GALNT2: variants seen among roughly 807,000 people sequenced by gnomAD.
The protein encoded by GALNT2 is polypeptide N-acetylgalactosaminyltransferase 2.
Under a neutral mutation model 81.4 loss-of-function variants are expected in GALNT2, and 31 were observed. That is an observed-to-expected ratio of 0.38 (90% CI 0.29 to 0.51). GALNT2 has a LOEUF of 0.51. Among genes scored for constraint, GALNT2 ranks in the 20% least tolerant of loss-of-function variants. The pLI is 0.87. For missense variants in GALNT2, 629 were observed against 765.7 expected, an observed-to-expected ratio of 0.82 and a Z score of 2.11; for synonymous variants, 303 against 287.4, an observed-to-expected ratio of 1.05 and a Z score of -0.55.
intron 1 of GALNT2, among the ~76,000 whole-genome samples, chr1:230,099,326 G>T (rs746769743): frequency 1.3e-5 from 2 of 152,130 alleles, no homozygotes; most frequent in African/African-American, 2.4e-5. Flanking sequence ...TCCGAGTCCC[G>T]GGATGGGGGT....
chr1:230,165,712 G>A (rs1467196828), intron 1 of GALNT2, among the ~76,000 whole-genome samples: 2 of 152,348 alleles, frequency 1.3e-5, no homozygotes, highest in Non-Finnish European at 2.9e-5. Context: ...AATAAGTGGC[G>A]CCAGAGGTAG....
In GALNT2 at chr1:230,274,465, G is replaced by A. The variant is rs747878231; in HGVS notation, c.1461G>A (p.Glu487=). The part of the protein sequence containing the change: ...GGNQEWALTK[E]KSVKHMDLCL... ...TCCAGGAATGGGCCTTGACGAAGGAGAAGTCGGTGAAGCACATGGATTTGT... is the reference window on the plus strand; with the variant it reads ...TCCAGGAATGGGCCTTGACGAAGGAAAAGTCGGTGAAGCACATGGATTTGT... Residue 487 remains glutamate, a synonymous_variant, in exon 15 of 16, where the codon GAG becomes GAA. Coordinates refer to ENST00000366672, the MANE Select transcript of GALNT2 (RefSeq NM_004481.5). The A allele has an allele frequency of 9.9e-6, 16 of 1,613,714 alleles. No homozygotes were observed. In the East Asian group the frequency reaches 3.3e-4, roughly 34 times the overall value.
intron 11 of GALNT2, among the ~76,000 whole-genome samples, chr1:230,255,887 C>G (rs577575518): frequency 9.5e-4 from 145 of 152,344 alleles, no homozygotes; most frequent in African/African-American, 3.1e-3. Flanking sequence ...TTATGCGTCT[C>G]TAACCAAATA....
rs888272483 is a variant in GALNT2, at chr1:230,243,046, T to C, written c.608-260T>C. Reference sequence around the variant, plus strand: ...TAGTTGATAAAGGAGACTTCAGTAATGTAAAGGGCCTTTCTCAGAAGACGG... The same window carrying C: ...TAGTTGATAAAGGAGACTTCAGTAACGTAAAGGGCCTTTCTCAGAAGACGG... On this transcript the variant is annotated intron_variant, in intron 6 of 15. Transcript: ENST00000366672. The surrounding 1 kb of genome is among the most constrained non-coding windows in gnomAD (Gnocchi z 4.2). Among the ~76,000 whole-genome samples the C allele has an allele frequency of 6.6e-6, 1 of 152,232 alleles. No homozygotes were observed. Among genetic ancestry groups the C allele is most frequent in the Non-Finnish European group, 1.5e-5 (1 of 68,048 alleles).
Position 230,265,367 on chromosome 1 carries a change from G to A in GALNT2, c.1440G>A (p.Gln480=), listed in dbSNP as rs781689382. 1 of 1,614,240 alleles carries A rather than the reference G, an allele frequency of 6.2e-7. No homozygotes were observed. The highest frequency in any genetic ancestry group is 8.5e-7 in the Non-Finnish European group (1 of 1,180,050). Residue 480 remains glutamine, a splice_region_variant and synonymous_variant, in exon 14 of 16, where the codon CAG becomes CAA. Coordinates refer to ENST00000366672, the MANE Select transcript of GALNT2 (RefSeq NM_004481.5). ...VYECHNAGGN[Q]EWALTKEKSV... Reference sequence around the variant, plus strand: ...AATGTCACAATGCTGGGGGAAACCAGGTATGTGCATGGGGAAGCCAGGTCA... The same window carrying A: ...AATGTCACAATGCTGGGGGAAACCAAGTATGTGCATGGGGAAGCCAGGTCA...
chr1:230,246,049 T>C lies in GALNT2; in HGVS notation c.730-14T>C, dbSNP rs1239890098. 3 of 1,607,320 alleles carry C rather than the reference T, an allele frequency of 1.9e-6. No individual in the cohort carries two copies. In the South Asian group the frequency reaches 3.3e-5, roughly 18 times the overall value. On this transcript the variant is annotated splice_polypyrimidine_tract_variant and intron_variant, in intron 7 of 15. Coordinates refer to ENST00000366672, the MANE Select transcript of GALNT2 (RefSeq NM_004481.5). ...GCTGGGATTTTGATAACTACTCCTCTCTTTGTATTTTAGGACAGGACTCGG... is the reference window on the plus strand; with the variant it reads ...GCTGGGATTTTGATAACTACTCCTCCCTTTGTATTTTAGGACAGGACTCGG...
chr1:230,238,092 C>G (rs990925313), intron 6 of GALNT2, among the ~76,000 whole-genome samples: 10 of 152,204 alleles, frequency 6.6e-5, no homozygotes, highest in African/African-American at 2.2e-4. Flanking sequence ...TATGGAACAG[C>G]TGAAGTCTGT....
intron 10 of GALNT2, among the ~76,000 whole-genome samples, chr1:230,251,227 A>G (rs1158796311): frequency 1.3e-5 from 2 of 152,152 alleles, no homozygotes; most frequent in African/African-American, 2.4e-5. Flanking sequence ...TTTCAATTAA[A>G]GCCTTTTGTT....
At chr1:230,071,452 C>T (rs1053466073) in intron 1 of GALNT2, among the ~76,000 whole-genome samples, 8 of 152,146 alleles carry the variant, frequency 5.3e-5, no homozygotes, top group South Asian at 2.1e-4. Flanking sequence ...AGTGGACAGA[C>T]GTGTCCCTGA....
upstream of GALNT2, among the ~76,000 whole-genome samples, chr1:230,066,935 G>T (rs1466701757): frequency 1.3e-5 from 2 of 150,638 alleles, no homozygotes; most frequent in African/African-American, 2.4e-5. Context: ...AGGCCCTCAC[G>T]GCGGAGCCCG....
intron 2 of GALNT2, among the ~76,000 whole-genome samples, chr1:230,179,775 A>G (rs1663101578): frequency 6.6e-6 from 1 of 152,156 alleles, no homozygotes; most frequent in Non-Finnish European, 1.5e-5. Flanking sequence ...AGTGTCCTAG[A>G]AGATTTTAAT....
rs1666274370 is a variant in GALNT2, at chr1:230,275,529, CCA to C, written c.1560+968_1560+969del. Among the ~76,000 whole-genome samples the C allele has an allele frequency of 6.7e-6, 1 of 148,550 alleles. No homozygotes were observed. The highest frequency in any genetic ancestry group is 1.5e-5 in the Non-Finnish European group (1 of 66,954). On this transcript the variant is annotated intron_variant, in intron 15 of 15. Coordinates refer to ENST00000366672, the MANE Select transcript of GALNT2 (RefSeq NM_004481.5). This position sits in a 1 kb window ranked among gnomAD's most constrained non-coding sequence, Gnocchi z 5.5. ...ACAGATACATACATATATATACATGCCACATAGATATACATATATAAACGCCA... is the reference window on the plus strand; with the variant it reads ...ACAGATACATACATATATATACATGCCATAGATATACATATATAAACGCCA...
chr1:230,133,422 T>G (rs984349219), intron 1 of GALNT2, among the ~76,000 whole-genome samples: 1 of 152,100 alleles, frequency 6.6e-6, no homozygotes, highest in East Asian at 1.9e-4. Flanking sequence ...AGGTGGTAGT[T>G]GACGTTTCTG....
rs1264162429 is a variant in GALNT2, at chr1:230,281,467, GTTC to G, written c.*2014_*2016del. 7.2e-5 allele frequency: 11 copies of G among 152,220 alleles called. No individual in the cohort carries two copies. Among genetic ancestry groups the G allele is most frequent in the African/African-American group, 2.7e-4 (11 of 41,428 alleles). 9.4% of individuals were successfully genotyped at this position (152,220 alleles called of 1,614,324 possible). A position where few individuals can be genotyped will look rare whatever the true frequency, so the allele number is the denominator to read the frequency against. Reference sequence around the variant, plus strand: ...GGTGTGCGTAGCCCCCAGCACCCAGGTTCTTCTGTCAGACCCTGTGACCTGCGA... The same window carrying G: ...GGTGTGCGTAGCCCCCAGCACCCAGGTTCTGTCAGACCCTGTGACCTGCGA... On this transcript the variant is annotated 3_prime_UTR_variant, in exon 16 of 16. Transcript: ENST00000366672.
intron 15 of GALNT2, among the ~76,000 whole-genome samples, chr1:230,277,262 C>A (rs1008934932): frequency 6.6e-6 from 1 of 152,140 alleles, no homozygotes; most frequent in African/African-American, 2.4e-5. Flanking sequence ...GCGCTCCCCA[C>A]CCCCAACCAC....
Position 230,281,662 on chromosome 1 carries a change from T to C in GALNT2, c.*2204T>C, listed in dbSNP as rs11620. The C allele has an allele frequency of 0.48, 73,053 of 152,474 alleles. 17,794 individuals are homozygous for C. Among genetic ancestry groups the C allele is most frequent in the African/African-American group, 0.56 (23,316 of 41,466 alleles). The allele number at this position is 152,474 out of a possible 1,614,324, so 9.4% of individuals were successfully genotyped here. A position where few individuals can be genotyped will look rare whatever the true frequency, so the allele number is the denominator to read the frequency against. ...CCAGACCCTTGTGCGGCCCATGCCCTGGGGGCGGCGTCCTGTCCCTGAGCT... is the reference window on the plus strand; with the variant it reads ...CCAGACCCTTGTGCGGCCCATGCCCCGGGGGCGGCGTCCTGTCCCTGAGCT... On this transcript the variant is annotated 3_prime_UTR_variant, in exon 16 of 16. Transcript: ENST00000366672.
At chr1:230,154,020 A>G (rs1227270273) in intron 1 of GALNT2, among the ~76,000 whole-genome samples, 2 of 152,204 alleles carry the variant, frequency 1.3e-5, no homozygotes, top group African/African-American at 2.4e-5. Flanking sequence ...CTTTTCACCC[A>G]TTGTTTGGAG....
intron 14 of GALNT2, among the ~76,000 whole-genome samples, chr1:230,267,922 G>T (rs76549528): frequency 6.6e-6 from 1 of 152,236 alleles, no homozygotes; most frequent in African/African-American, 2.4e-5. Context: ...GGAGGGCGCC[G>T]TGCGGTGCTG....
At chr1:230,075,771 G>C (rs1659532417) in intron 1 of GALNT2, among the ~76,000 whole-genome samples, 1 of 152,164 alleles carries the variant, frequency 6.6e-6, no homozygotes, top group Non-Finnish European at 1.5e-5. Context: ...AAATAGAGCA[G>C]TGTATGGGGA....
Sources: allele counts gnomAD v4.1 joint callset (sites outside exome capture counted in the v4.1 genomes callset), GRCh38; gene constraint gnomAD v4.1.1; non-coding constraint Gnocchi (gnomAD v3.1); transcripts MANE v1.5; gene names NCBI Gene and HGNC (gene_info 2026-07-23, HGNC 2026-07-21).